The following NWD2 variants were observed in gnomAD, a reference collection of about 807,000 sequenced individuals.
The protein encoded by NWD2 is NACHT and WD repeat domain containing 2, also known as NACHT and WD repeat domain-containing protein 2.
In NWD2, 37 loss-of-function variants were observed where a neutral mutation model predicts 132.7. The ratio of observed to expected loss-of-function variants is 0.28; its 90% CI spans 0.21 to 0.37. The LOEUF (loss-of-function observed/expected upper bound fraction) is 0.37, where lower values mean the gene tolerates loss of function less well. NWD2 is among the 10% of genes least tolerant of loss of function. The pLI, the probability that NWD2 is intolerant of heterozygous loss-of-function variation, is 1.00. For missense variants in NWD2, 1,592 were observed against 2,122.4 expected (o/e 0.75, Z 4.91); for synonymous variants, 705 against 803.0 (o/e 0.88, Z 2.06).
At chr4:37,405,434 TAGAATAGAATAGAATAGAATAG>T (rs1464270276) in intron 3 of NWD2, among the ~76,000 whole-genome samples, 1 of 49,790 alleles carries the variant, frequency 2.0e-5, no homozygotes, top group Non-Finnish European at 4.5e-5. Context: ...TAGAATAGAA[TAGAATAGAATAGAATAGAATAG>T]AATAGAATAG....
Position 37,443,446 on chromosome 4 carries a change from T to C in NWD2, c.1458T>C (p.Pro486=), listed in dbSNP as rs1169210484. ...VNYRCLVQSY[P]KKIHDLCDLF... is the part of the protein sequence containing the mutation. ...ACCGGTGTCTGGTTCAAAGCTACCC[T>C]AAGAAGATCCATGACCTCTGTGACT... The change falls in exon 7 of 7, where the codon CCT becomes CCC. Residue 486 remains proline (P), a synonymous_variant. Transcript: ENST00000309447. The surrounding 1 kb of genome is among the most constrained non-coding windows in gnomAD (Gnocchi z 4.1). 6.4e-7 allele frequency: 1 copy of C among 1,552,192 alleles called. No homozygotes were observed. Among genetic ancestry groups the C allele is most frequent in the Non-Finnish European group, 8.7e-7 (1 of 1,147,136 alleles).
chr4:37,261,585 C>T (rs1284030060), intron 1 of NWD2, among the ~76,000 whole-genome samples: 5 of 152,050 alleles, frequency 3.3e-5, no homozygotes, highest in African/African-American at 9.7e-5. Flanking sequence ...TCTTCTAAGC[C>T]GTGAAGATGT....
intron 1 of NWD2, among the ~76,000 whole-genome samples, chr4:37,271,325 A>G (rs1038187442): frequency 2.6e-5 from 4 of 151,862 alleles, no homozygotes; most frequent in Non-Finnish European, 5.9e-5. Context: ...GTTGAATTTA[A>G]GAATGGTTGA....
At chr4:37,276,985 G>A (rs1033206252) in intron 1 of NWD2, among the ~76,000 whole-genome samples, 3 of 152,066 alleles carry the variant, frequency 2.0e-5, no homozygotes, top group African/African-American at 7.2e-5. Context: ...GGCCTGTTGT[G>A]GGGTTGGGGG....
intron 3 of NWD2, among the ~76,000 whole-genome samples, chr4:37,426,733 A>G (rs906163422): frequency 4.6e-5 from 7 of 152,014 alleles, no homozygotes; most frequent in Non-Finnish European, 1.0e-4. Flanking sequence ...TTCACTCACA[A>G]TGTTCTTTCC....
chr4:37,350,131 C>T (rs1719731100), intron 2 of NWD2, among the ~76,000 whole-genome samples: 1 of 152,272 alleles, frequency 6.6e-6, no homozygotes, highest in Non-Finnish European at 1.5e-5. Flanking sequence ...ATGCCTCCGG[C>T]TTTGTTCTTT....
chr4:37,412,409 G>A (rs1274347027), intron 3 of NWD2, among the ~76,000 whole-genome samples: 1 of 152,050 alleles, frequency 6.6e-6, no homozygotes, highest in Non-Finnish European at 1.5e-5. Flanking sequence ...AAATACCTAG[G>A]AATACAACTT....
chr4:37,384,809 A>G (rs1300836567), intron 3 of NWD2, among the ~76,000 whole-genome samples: 1 of 152,190 alleles, frequency 6.6e-6, no homozygotes, highest in Non-Finnish European at 1.5e-5. Flanking sequence ...CCCTACCTAC[A>G]TACCAATATC....
At chr4:37,401,567 T>G (rs1406351364) in intron 3 of NWD2, among the ~76,000 whole-genome samples, 1 of 152,172 alleles carries the variant, frequency 6.6e-6, no homozygotes, top group Non-Finnish European at 1.5e-5. Context: ...AGCTGCTTTC[T>G]TCCCAGAATT....
chr4:37,406,085 A>G (rs1720997122), intron 3 of NWD2, among the ~76,000 whole-genome samples: 2 of 152,236 alleles, frequency 1.3e-5, no homozygotes, highest in African/African-American at 4.8e-5. Flanking sequence ...AAGTCACGTT[A>G]AGTCATGCCA....
At chr4:37,319,819 T>A (rs1719032202) in intron 1 of NWD2, among the ~76,000 whole-genome samples, 1 of 152,176 alleles carries the variant, frequency 6.6e-6, no homozygotes, top group Non-Finnish European at 1.5e-5. Context: ...CTCTATTATG[T>A]TACGTTGGTC....
intron 3 of NWD2, among the ~76,000 whole-genome samples, chr4:37,426,424 G>A (rs886619228): frequency 2.0e-5 from 3 of 152,164 alleles, no homozygotes; most frequent in Non-Finnish European, 4.4e-5. Flanking sequence ...CACTCAATAT[G>A]TATTTGTTAT....
intron 2 of NWD2, among the ~76,000 whole-genome samples, chr4:37,348,838 C>A (rs1169840069): frequency 6.6e-6 from 1 of 151,092 alleles, no homozygotes; most frequent in Non-Finnish European, 1.5e-5. Flanking sequence ...CCCCTAGTAC[C>A]CCACCCCACA....
chr4:37,282,039 A>G (rs1384322790), intron 1 of NWD2, among the ~76,000 whole-genome samples: 1 of 152,190 alleles, frequency 6.6e-6, no homozygotes. Context: ...CTTTATAGTC[A>G]GTATAATTTT....
intron 3 of NWD2, among the ~76,000 whole-genome samples, chr4:37,396,264 C>G (rs1282778573): frequency 6.6e-6 from 1 of 152,222 alleles, no homozygotes; most frequent in Non-Finnish European, 1.5e-5. Flanking sequence ...CCCAGTTCCA[C>G]TCCTACCCCA....
At chr4:37,340,203 A>C (rs114787757) in intron 2 of NWD2, among the ~76,000 whole-genome samples, 3,485 of 152,226 alleles carry the variant, frequency 0.023, 100 homozygotes, top group East Asian at 0.12. Flanking sequence ...CTGTGACCTT[A>C]CCAATTCTAC....
chr4:37,369,498 A>T (rs1720172648), intron 3 of NWD2, among the ~76,000 whole-genome samples: 1 of 152,108 alleles, frequency 6.6e-6, no homozygotes, highest in Admixed American at 6.5e-5. Flanking sequence ...GGCTTACATG[A>T]GGGTTTTGTA....
chr4:37,400,237 T>C (rs1221817999), intron 3 of NWD2, among the ~76,000 whole-genome samples: 2 of 152,208 alleles, frequency 1.3e-5, no homozygotes, highest in East Asian at 1.9e-4. Flanking sequence ...TCTTAAGTAA[T>C]GAAGAAGCTC....
intron 3 of NWD2, among the ~76,000 whole-genome samples, chr4:37,383,008 C>A (rs1356903853): frequency 6.6e-6 from 1 of 152,124 alleles, no homozygotes; most frequent in East Asian, 1.9e-4. Context: ...GAAAAAAACT[C>A]CTGAGCTGAA....
Sources: gnomAD v4.1 joint callset for allele counts (sites outside exome capture counted in the v4.1 genomes callset) on GRCh38, gnomAD v4.1.1 for gene constraint, Gnocchi (gnomAD v3.1) non-coding constraint, MANE v1.5 for transcripts, NCBI Gene and HGNC (gene_info 2026-07-23, HGNC 2026-07-21) for gene names.